ENPP1: variants seen among roughly 807,000 people sequenced by gnomAD.
The protein encoded by ENPP1 is ectonucleotide pyrophosphatase/phosphodiesterase 1.
ENPP1 carries 73 observed loss-of-function variants against 122.8 expected under a neutral mutation model. The ratio of observed to expected loss-of-function variants is 0.59; its 90% CI spans 0.49 to 0.72. The LOEUF (loss-of-function observed/expected upper bound fraction) is 0.72, where lower values mean the gene tolerates loss of function less well. Among genes scored for constraint, ENPP1 ranks in the 30% least tolerant of loss-of-function variants. The pLI, the probability that ENPP1 is intolerant of heterozygous loss-of-function variation, is 0.00. For synonymous variants in ENPP1, 367 were observed against 391.6 expected (o/e 0.94, Z 0.74); for missense variants, 978 against 1,128.1 (o/e 0.87, Z 1.91).
intron 18 of ENPP1, among the ~76,000 whole-genome samples, chr6:131,878,031 G>A (rs1327011382): frequency 6.6e-6 from 1 of 151,022 alleles, no homozygotes; most frequent in Non-Finnish European, 1.5e-5. Flanking sequence ...TTAATTACTG[G>A]TGTGATGCTT....
At chr6:131,819,298 TTC>T (rs1446937835) in intron 1 of ENPP1, among the ~76,000 whole-genome samples, 1 of 152,248 alleles carries the variant, frequency 6.6e-6, no homozygotes, top group African/African-American at 2.4e-5. Flanking sequence ...CATAATTTAC[TTC>T]TTTCAAAAGA....
In ENPP1 at chr6:131,860,442, T is replaced by C. The variant is rs751332062; in HGVS notation, c.851T>C (p.Met284Thr). 1 of 1,584,540 alleles carries C rather than the reference T, an allele frequency of 6.3e-7. No homozygotes were observed. The change falls in exon 8 of 25, where the codon ATG becomes ACG. Residue 284 changes from methionine to threonine, a missense_variant. This residue lies in a region of ENPP1 where 644 missense variants were observed against 781.5 expected (regional missense o/e 0.82). Coordinates refer to ENST00000647893, the MANE Select transcript of ENPP1 (RefSeq NM_006208.3). ...GACAATAAAATGTATGATCCCAAAA[T>C]GAATGCTTCCTTTTCACTTAAAAGT... ...IIDNKMYDPKMNASFSLKSKE... is the reference protein window; with the variant it reads ...IIDNKMYDPKTNASFSLKSKE...
chr6:131,851,355 G>A, intron 4 of ENPP1, 88 bp downstream of exon 4: 1 of 1,559,464 alleles, frequency 6.4e-7, no homozygotes. Flanking sequence ...TATATTAGGA[G>A]TCATGGCTAT....
intron 11 of ENPP1, among the ~76,000 whole-genome samples, chr6:131,867,398 G>C (rs1009058709): frequency 1.3e-5 from 2 of 152,126 alleles, no homozygotes; most frequent in African/African-American, 4.8e-5. Flanking sequence ...GTCATTCTGT[G>C]TTCTTGTGAT....
rs202225018 is a variant in ENPP1 at position 131,847,858 on chromosome 6, T to G, written c.313+10T>G. The G allele has an allele frequency of 1.2e-3, 530 of 444,160 alleles. No homozygotes were observed. Among genetic ancestry groups the G allele is most frequent in the South Asian group, 6.4e-3 (166 of 25,982 alleles). 27.5% of individuals were successfully genotyped at this position (444,160 alleles called of 1,614,324 possible). A position where few individuals can be genotyped will look rare whatever the true frequency, so the allele number is the denominator to read the frequency against. ...AGCTGTGCCAAAGAAGGTAATTAGGTGTGTGTGTGTGTGTGTGTGTGTGTG... is the reference window on the plus strand; with the variant it reads ...AGCTGTGCCAAAGAAGGTAATTAGGGGTGTGTGTGTGTGTGTGTGTGTGTG... On this transcript the variant is annotated intron_variant, in intron 2 of 24. Coordinates refer to ENST00000647893, the MANE Select transcript of ENPP1 (RefSeq NM_006208.3).
chr6:131,886,929 T>TC (rs201265492), intron 24 of ENPP1, among the ~76,000 whole-genome samples: 36 of 139,824 alleles, frequency 2.6e-4, no homozygotes, highest in African/African-American at 7.9e-4. Flanking sequence ...CTTTTTTCTT[T>TC]TTTTTTTTTT....
intron 1 of ENPP1, among the ~76,000 whole-genome samples, chr6:131,837,338 C>T (rs1463312271): frequency 6.6e-6 from 1 of 151,772 alleles, no homozygotes; most frequent in Non-Finnish European, 1.5e-5. Flanking sequence ...CCATCCTGGC[C>T]AACATGGTGA....
intron 1 of ENPP1, among the ~76,000 whole-genome samples, chr6:131,825,283 G>C (rs1394769630): frequency 1.3e-5 from 2 of 152,124 alleles, no homozygotes; most frequent in African/African-American, 4.8e-5. Context: ...GAAAATAGAA[G>C]AGCACACTGT....
chr6:131,854,854 G>A (rs1781925338), intron 5 of ENPP1, 72 bp from the exon 6 acceptor site: 3 of 1,025,328 alleles, frequency 2.9e-6, no homozygotes, highest in Non-Finnish European at 4.6e-6. Flanking sequence ...GTGCCAAGAA[G>A]GGGGTACATC....
intron 1 of ENPP1, among the ~76,000 whole-genome samples, chr6:131,846,928 A>T (rs1442821760): frequency 6.6e-6 from 1 of 152,220 alleles, no homozygotes; most frequent in Non-Finnish European, 1.5e-5. Flanking sequence ...AAAGACCAGA[A>T]GAGTGGAGAA....
At chr6:131,876,109 C>G (rs775218376) in intron 17 of ENPP1, among the ~76,000 whole-genome samples, 4 of 152,170 alleles carry the variant, frequency 2.6e-5, no homozygotes, top group African/African-American at 9.7e-5. Flanking sequence ...GGTCTGCACA[C>G]CCCCACTGCC....
rs1931009 is a variant in ENPP1, at chr6:131,893,528, C to T, written c.*3017C>T. The T allele has an allele frequency of 0.039, 5,958 of 152,314 alleles. 202 individuals carry two copies. Among genetic ancestry groups the T allele is most frequent in the East Asian group, 0.15 (782 of 5,174 alleles). 9.4% of individuals were successfully genotyped at this position (152,314 alleles called of 1,614,324 possible). A position where few individuals can be genotyped will look rare whatever the true frequency, so the allele number is the denominator to read the frequency against. On this transcript the variant is annotated 3_prime_UTR_variant, in exon 25 of 25. Transcript: ENST00000647893. ...TGGATGGAACATTTTTGACATTTTC[C>T]CATTTACAGCTACTTATATTTTCTA...
chr6:131,841,973 A>C (rs1781745992), intron 1 of ENPP1, among the ~76,000 whole-genome samples: 2 of 151,918 alleles, frequency 1.3e-5, no homozygotes, highest in Admixed American at 1.3e-4. Flanking sequence ...CACTCCACTG[A>C]CCGCCCGCAG....
chr6:131,847,899 G>GTA (rs771308461), intron 2 of ENPP1, 51 bp downstream of exon 2: 4 of 1,258,756 alleles, frequency 3.2e-6, no homozygotes, highest in Admixed American at 1.8e-5. Flanking sequence ...GTGTGTATGT[G>GTA]TGTGCACAGC....
chr6:131,812,052 G>A (rs893871532), intron 1 of ENPP1, among the ~76,000 whole-genome samples: 3 of 152,152 alleles, frequency 2.0e-5, no homozygotes, highest in African/African-American at 7.2e-5. Flanking sequence ...GGACAGAGCA[G>A]CGGGATTTCA....
intron 1 of ENPP1, among the ~76,000 whole-genome samples, chr6:131,824,675 C>A (rs1781523720): frequency 6.6e-6 from 1 of 152,084 alleles, no homozygotes; most frequent in African/African-American, 2.4e-5. Flanking sequence ...AGGCTGGTCT[C>A]AAACTCCAGA....
chr6:131,858,491 A>G (rs1385705419), intron 6 of ENPP1, among the ~76,000 whole-genome samples, 177 bp from the exon 7 acceptor site: 1 of 152,194 alleles, frequency 6.6e-6, no homozygotes, highest in Admixed American at 6.5e-5. Context: ...GTCATCTTTA[A>G]GATTGGATTT....
intron 1 of ENPP1, among the ~76,000 whole-genome samples, chr6:131,821,887 G>T (rs920044949): frequency 1.3e-5 from 2 of 152,156 alleles, no homozygotes; most frequent in African/African-American, 4.8e-5. Context: ...TGTAAAATCA[G>T]GTTAAATGTC....
intron 24 of ENPP1, 139 bp downstream of exon 24, chr6:131,886,863 A>C: frequency 1.6e-6 from 1 of 620,770 alleles, no homozygotes; most frequent in South Asian, 2.5e-5. Flanking sequence ...GATGCTTTTA[A>C]ATTTGATCTT....
Sources: gnomAD v4.1 joint callset for allele counts (sites outside exome capture counted in the v4.1 genomes callset) on GRCh38, gnomAD v4.1.1 for gene constraint, gnomAD v4.1.1 regional missense constraint, MANE v1.5 for transcripts, NCBI Gene and HGNC (gene_info 2026-07-23, HGNC 2026-07-21) for gene names.